Variants in HAUS8 observed in about 807,000 individuals in gnomAD.
The protein encoded by HAUS8 is HAUS augmin like complex subunit 8.
A neutral mutation model predicts 42.9 loss-of-function variants in HAUS8; 38 were observed. That is an observed-to-expected ratio of 0.89 (90% CI 0.68 to 1.16). The LOEUF is 1.16. HAUS8 is among the 50% of genes most tolerant of loss of function. HAUS8 has a pLI of 0.00. For synonymous variants in HAUS8, 199 were observed against 205.8 expected (o/e 0.97, Z 0.28); for missense variants, 494 against 511.6 (o/e 0.97, Z 0.33).
chr19:17,069,646 G>T (rs184360829), intron 2 of HAUS8, among the ~76,000 whole-genome samples: 3 of 151,684 alleles, frequency 2.0e-5, no homozygotes, highest in Non-Finnish European at 4.4e-5. Context: ...TCCTGGGAGC[G>T]TGACTGTGGA....
chr19:17,058,529 G>T lies in HAUS8; in HGVS notation c.645+20C>A, dbSNP rs777263133. 4 of 1,571,160 alleles carry T rather than the reference G, an allele frequency of 2.5e-6. No homozygotes were observed. Among genetic ancestry groups the T allele is most frequent in the Non-Finnish European group, 3.4e-6 (4 of 1,160,838 alleles). On this transcript the variant is annotated intron_variant, in intron 8 of 10. Coordinates refer to ENST00000253669, the MANE Select transcript of HAUS8 (RefSeq NM_033417.2). ...TCACAGGGAACACTCACTGGTCACA[G>T]AGTGTCACTTACAACTGACCTGGGC...
chr19:17,050,316 A>C, intron 10 of HAUS8, 140 bp from the exon 11 acceptor site: 1 of 494,172 alleles, frequency 2.0e-6, no homozygotes, highest in Non-Finnish European at 3.3e-6. Context: ...AGCAAATAAG[A>C]TCCGTCTGAA....
intron 1 of HAUS8, 141 bp downstream of exon 1, chr19:17,075,253 C>A (rs2057462885): frequency 4.5e-6 from 4 of 882,346 alleles, no homozygotes; most frequent in Admixed American, 1.9e-5. Context: ...AGCACGCCAT[C>A]GGGGTCTTCA....
intron 1 of HAUS8, chr19:17,073,613 C>T: frequency 2.1e-6 from 1 of 469,178 alleles, no homozygotes. Context: ...CAAATTATCC[C>T]TGGGTTCATT....
Position 17,069,106 on chromosome 19 carries a change from G to A in HAUS8, c.92-20C>T, listed in dbSNP as rs144939038. ...TTCCACCTGTGGGGACACACTGTTG[G>A]TGCACAACAAAACTACAAAGGACCG... On this transcript the variant is annotated intron_variant, in intron 2 of 10. Coordinates refer to ENST00000253669, the MANE Select transcript of HAUS8 (RefSeq NM_033417.2). The A allele has an allele frequency of 4.9e-4, 791 of 1,609,860 alleles. 6 individuals carry two copies. In the African/African-American group the frequency reaches 8.8e-3, roughly 18 times the overall value.
intron 2 of HAUS8, among the ~76,000 whole-genome samples, chr19:17,071,218 T>C (rs2057420963): frequency 1.3e-5 from 2 of 152,190 alleles, no homozygotes; most frequent in African/African-American, 4.8e-5. Context: ...GACCATATCT[T>C]TGTTCCAGTT....
At position 17,060,025 on chromosome 19, in the gene HAUS8, T is replaced by C. The variant is rs770442600; in HGVS notation, c.297A>G (p.Pro99=). The C allele has an allele frequency of 2.5e-6, 4 of 1,612,966 alleles. No homozygotes were observed. Among genetic ancestry groups the C allele is most frequent in the Non-Finnish European group, 3.4e-6 (4 of 1,179,092 alleles). Residue 99 remains proline, a synonymous_variant, in exon 5 of 11, where the codon CCA becomes CCG. Coordinates refer to ENST00000253669, the MANE Select transcript of HAUS8 (RefSeq NM_033417.2). ...TAATAGCAGAGAGATCCAGGTCAGG[T>C]GGAGCTGTGCCATGCCCTTCCAGCA... ...STLLEGHGTA[P]PDLDLSAIND...
At chr19:17,061,232 G>A (rs2057358934) in intron 4 of HAUS8, among the ~76,000 whole-genome samples, 1 of 151,962 alleles carries the variant, frequency 6.6e-6, no homozygotes, top group Non-Finnish European at 1.5e-5. Context: ...CCAGGCTCAA[G>A]CAATCCTCCC....
chr19:17,070,530 T>C (rs1461307716), intron 2 of HAUS8, among the ~76,000 whole-genome samples: 1 of 152,224 alleles, frequency 6.6e-6, no homozygotes, highest in Non-Finnish European at 1.5e-5. Flanking sequence ...ACCCCCTTGC[T>C]GTGCATCCCC....
chr19:17,055,282 G>T (rs1282071420), intron 9 of HAUS8, among the ~76,000 whole-genome samples: 4 of 125,096 alleles, frequency 3.2e-5, no homozygotes, highest in African/African-American at 1.3e-4. Context: ...AGAGGTTGCA[G>T]TGAGCTGAGA....
At chr19:17,060,227 A>T (rs2057352360) in intron 4 of HAUS8, 135 bp from the exon 5 acceptor site, 14 of 24,396 alleles carry the variant, frequency 5.7e-4, no homozygotes, top group Non-Finnish European at 7.2e-4. Context: ...GGAAAGGCTA[A>T]AAAAAAAAAA....
At chr19:17,069,152 C>A in intron 2 of HAUS8, 66 bp from the exon 3 acceptor site, 1 of 1,456,500 alleles carries the variant, frequency 6.9e-7, no homozygotes, top group Non-Finnish European at 9.5e-7. Context: ...ACACCCAGAC[C>A]CCACGCCCCG....
intron 3 of HAUS8, 92 bp from the exon 4 acceptor site, chr19:17,062,871 CT>C: frequency 2.2e-6 from 2 of 926,048 alleles, no homozygotes; most frequent in Non-Finnish European, 3.5e-6. Context: ...TTCGTAACTG[CT>C]CTTACTTTGA....
intron 2 of HAUS8, among the ~76,000 whole-genome samples, chr19:17,069,940 G>A (rs1292499284): frequency 6.6e-6 from 1 of 151,870 alleles, no homozygotes; most frequent in Non-Finnish European, 1.5e-5. Context: ...TGTGCTCCCA[G>A]ATAAAGCGCC....
In HAUS8 at chr19:17,052,391, T is replaced by C. The variant is rs114228793; in HGVS notation, c.929+434A>G. On this transcript the variant is annotated intron_variant, in intron 10 of 10. Coordinates refer to ENST00000253669, the MANE Select transcript of HAUS8 (RefSeq NM_033417.2). ...ATCCTCACTTCACCTAGAGTCCCCA[T>C]TAGCTCAAAAATGACTGAGAAGTAG... 282 of 168,410 alleles carry C rather than the reference T, an allele frequency of 1.7e-3. 3 individuals carry two copies. The highest frequency in any genetic ancestry group is 6.6e-3 in the African/African-American group (276 of 41,558). 10.4% of individuals were successfully genotyped at this position (168,410 alleles called of 1,614,324 possible). A position where few individuals can be genotyped will look rare whatever the true frequency, so the allele number is the denominator to read the frequency against.
intron 3 of HAUS8, among the ~76,000 whole-genome samples, chr19:17,068,637 C>G (rs541972345): frequency 1.6e-4 from 24 of 152,164 alleles, no homozygotes; most frequent in African/African-American, 5.8e-4. Context: ...TGTGGTAGCA[C>G]ACGCCTTTCG....
chr19:17,068,520 A>G (rs1197970830), intron 3 of HAUS8, among the ~76,000 whole-genome samples: 5 of 152,202 alleles, frequency 3.3e-5, no homozygotes, highest in Non-Finnish European at 7.3e-5. Context: ...TAATCCCAAC[A>G]TTTTGGGAGG....
At chr19:17,075,470 G>A (rs896632358), upstream of HAUS8, 3 of 1,608,862 alleles carry the variant, frequency 1.9e-6, no homozygotes, top group Non-Finnish European at 2.5e-6. Context: ...TTTCAAAGCC[G>A]GACCCGCCCC....
Position 17,058,683 on chromosome 19 carries a change from C to A in HAUS8, c.511G>T (p.Glu171Ter). Reference sequence around the variant, plus strand: ...AATAAATTCTTTTCTGCCCTTCTTTCAAACTCAGCAAGATTGTTCTCCATC... The same window carrying A: ...AATAAATTCTTTTCTGCCCTTCTTTAAAACTCAGCAAGATTGTTCTCCATC... ...VKMENNLAEF[E>*]RRAEKNLLIM... Residue 171 changes from glutamate (E) to a stop codon, truncating the protein, a stop_gained, in exon 8 of 11, where the codon GAA (glutamate) becomes TAA (stop). Transcript: ENST00000253669. LOFTEE classifies it high-confidence loss of function. 3 of 1,609,974 alleles carry A rather than the reference C, an allele frequency of 1.9e-6. No individual in the cohort carries two copies. Among genetic ancestry groups the A allele is most frequent in the Non-Finnish European group, 2.5e-6 (3 of 1,178,820 alleles).
Sources: allele counts gnomAD v4.1 joint callset (sites outside exome capture counted in the v4.1 genomes callset), GRCh38; gene constraint gnomAD v4.1.1; transcripts MANE v1.5; gene names NCBI Gene and HGNC (gene_info 2026-07-23, HGNC 2026-07-21).